The following LRRC20 variants were observed in gnomAD, a reference collection of about 807,000 sequenced individuals.
The protein encoded by LRRC20 is leucine-rich repeat-containing protein 20.
Under a neutral mutation model 14.4 loss-of-function variants are expected in LRRC20, and 11 were observed. The observed-to-expected ratio is 0.77, with a 90% CI of 0.48 to 1.27. The LOEUF (loss-of-function observed/expected upper bound fraction) is 1.27. LRRC20 is among the 50% of genes most tolerant of loss of function. The pLI, the probability that LRRC20 is intolerant of heterozygous loss-of-function variation, is 0.00. For missense variants in LRRC20, 219 were observed against 251.2 expected, an observed-to-expected ratio of 0.87 and a Z score of 0.87; for synonymous variants, 121 against 107.3, an observed-to-expected ratio of 1.13 and a Z score of -0.79.
rs1589925536 is a variant in LRRC20, at chr10:70,300,787, G to C, written c.*567C>G. ...CACCACAGCTCTCCCAGGACTCCTA[G>C]TTCAGGTTCCCACCAGTCCAGGGAC... On this transcript the variant is annotated 3_prime_UTR_variant, in exon 5 of 5. Transcript: ENST00000446961. 1 of 985,664 alleles carries C rather than the reference G, an allele frequency of 1.0e-6. No individual in the cohort carries two copies. Among genetic ancestry groups the C allele is most frequent in the Non-Finnish European group, 1.2e-6 (1 of 830,142 alleles). The allele number at this position is 985,664 out of a possible 1,614,324, so 61.1% of individuals were successfully genotyped here.
intron 2 of LRRC20, among the ~76,000 whole-genome samples, chr10:70,375,377 G>A (rs1007453576): frequency 6.6e-6 from 1 of 152,178 alleles, no homozygotes; most frequent in Admixed American, 6.5e-5. Context: ...CTACAGAGGA[G>A]AAAGGGAGCA....
chr10:70,312,252 C>T (rs973726127), intron 4 of LRRC20, among the ~76,000 whole-genome samples: 19 of 152,178 alleles, frequency 1.2e-4, no homozygotes, highest in African/African-American at 3.9e-4. Context: ...AGATCAAGGA[C>T]GCCTTGCTGT....
chr10:70,358,167 G>A (rs1169689571), intron 2 of LRRC20, among the ~76,000 whole-genome samples: 6 of 152,224 alleles, frequency 3.9e-5, no homozygotes, highest in Admixed American at 3.9e-4. Context: ...AGTCACTTAT[G>A]GGGCCTCAAC....
intron 4 of LRRC20, among the ~76,000 whole-genome samples, chr10:70,306,408 C>T (rs748265859): frequency 6.6e-6 from 1 of 152,046 alleles, no homozygotes; most frequent in Admixed American, 6.6e-5. Flanking sequence ...CTCTTTGGGC[C>T]CCTTTGTCTT....
chr10:70,380,909 G>A (rs1347945473), intron 1 of LRRC20, among the ~76,000 whole-genome samples: 2 of 152,236 alleles, frequency 1.3e-5, no homozygotes, highest in African/African-American at 4.8e-5. Context: ...ATAGTAGTAA[G>A]GCTACAGGGC....
intron 4 of LRRC20, among the ~76,000 whole-genome samples, chr10:70,304,305 G>C (rs1467984232): frequency 1.3e-5 from 2 of 151,958 alleles, no homozygotes; most frequent in Non-Finnish European, 2.9e-5. Context: ...GTGATGGCAA[G>C]AGCCAGCTCC....
chr10:70,310,683 T>C (rs1841618768), intron 4 of LRRC20, among the ~76,000 whole-genome samples: 1 of 152,252 alleles, frequency 6.6e-6, no homozygotes, highest in African/African-American at 2.4e-5. Flanking sequence ...ATGAGTCCCT[T>C]CAGGCTGAGA....
intron 2 of LRRC20, among the ~76,000 whole-genome samples, chr10:70,368,709 G>A (rs1844135717): frequency 6.6e-6 from 1 of 151,662 alleles, no homozygotes; most frequent in Non-Finnish European, 1.5e-5. Context: ...TGCAACCTCC[G>A]CCTCCCAGAT....
intron 4 of LRRC20, among the ~76,000 whole-genome samples, chr10:70,310,389 AG>A (rs986319917): frequency 6.6e-6 from 1 of 152,150 alleles, no homozygotes; most frequent in Non-Finnish European, 1.5e-5. Context: ...TGGAGAGGAA[AG>A]GGACCTCCGC....
chr10:70,339,536 CT>C (rs1169234119), intron 3 of LRRC20, among the ~76,000 whole-genome samples: 1 of 151,898 alleles, frequency 6.6e-6, no homozygotes, highest in African/African-American at 2.4e-5. Context: ...ATCTGCCCCC[CT>C]AGGCTTCCTG....
intron 3 of LRRC20, among the ~76,000 whole-genome samples, chr10:70,327,643 C>T (rs1441522334): frequency 1.4e-4 from 22 of 151,952 alleles, no homozygotes; most frequent in Admixed American, 1.4e-3. Context: ...AGCACTACTA[C>T]ATTCGAGGCA....
intron 2 of LRRC20, among the ~76,000 whole-genome samples, chr10:70,367,348 GAAAAGA>G (rs71009295): frequency 3.6e-5 from 5 of 137,540 alleles, no homozygotes; most frequent in African/African-American, 8.0e-5. Context: ...AAAAAAGAAA[GAAAAGA>G]AAAAGAAAAA....
chr10:70,352,677 G>A (rs10999288), intron 2 of LRRC20, among the ~76,000 whole-genome samples: 5,473 of 152,264 alleles, frequency 0.036, 156 homozygotes, highest in East Asian at 0.1. Flanking sequence ...TTTGTGGGCA[G>A]TGGGGAGTAT....
chr10:70,348,513 C>T (rs1843163566), intron 2 of LRRC20, among the ~76,000 whole-genome samples: 1 of 152,252 alleles, frequency 6.6e-6, no homozygotes, highest in Non-Finnish European at 1.5e-5. Context: ...ACTATCCCCT[C>T]TGCACACAGG....
At chr10:70,325,116 A>T (rs1340434814) in intron 3 of LRRC20, among the ~76,000 whole-genome samples, 1 of 152,158 alleles carries the variant, frequency 6.6e-6, no homozygotes, top group Non-Finnish European at 1.5e-5. Context: ...AGAAATGCTG[A>T]GTAACCTGAA....
chr10:70,318,535 C>T (rs936792192), intron 4 of LRRC20, among the ~76,000 whole-genome samples: 1 of 152,152 alleles, frequency 6.6e-6, no homozygotes, highest in African/African-American at 2.4e-5. Context: ...GGGCAGATCG[C>T]TTGAGCTTAG....
At chr10:70,337,583 A>C (rs767992422) in intron 3 of LRRC20, among the ~76,000 whole-genome samples, 3 of 152,036 alleles carry the variant, frequency 2.0e-5, no homozygotes, top group African/African-American at 7.2e-5. Context: ...ACCTTTCCCC[A>C]TGCCCTCTGG....
rs562714053 is a variant in LRRC20, at chr10:70,314,213, A to C, written c.400+9650T>G. On this transcript the variant is annotated intron_variant, in intron 4 of 4. Transcript: ENST00000446961. ...ATGAGATTTGGGTGGGGACACAGCC[A>C]AACCATATCAACCAGTAACCATACC... Among the ~76,000 whole-genome samples the C allele has an allele frequency of 5.3e-5, 8 of 151,938 alleles. No individual in the cohort carries two copies. In the South Asian group the frequency reaches 1.2e-3, roughly 24 times the overall value.
At position 70,356,880 on chromosome 10, in the gene LRRC20, A is replaced by C. The variant is rs1257941633; in HGVS notation, c.83-16178T>G. ...CAAAACAAAACAAAAAACAAAGCAA[A>C]ACAAAAAAAAACACCTGTATATAAA... On this transcript the variant is annotated intron_variant, in intron 2 of 4. Coordinates refer to ENST00000446961, the MANE Select transcript of LRRC20 (RefSeq NM_001278212.2). Among the ~76,000 whole-genome samples the C allele has an allele frequency of 2.0e-5, 3 of 151,920 alleles. No homozygotes were observed. The East Asian group carries it at 5.8e-4, about 29-fold the overall frequency.
Sources: gnomAD v4.1 joint callset for allele counts (sites outside exome capture counted in the v4.1 genomes callset) on GRCh38, gnomAD v4.1.1 for gene constraint, MANE v1.5 for transcripts, NCBI Gene and HGNC (gene_info 2026-07-23, HGNC 2026-07-21) for gene names.